The following PAPPA2 variants were observed in gnomAD, a reference collection of about 807,000 sequenced individuals.
PAPPA2 encodes pappalysin-2.
In PAPPA2, 86 loss-of-function variants were observed where a neutral mutation model predicts 176.4. The observed-to-expected ratio is 0.49, with a 90% CI of 0.41 to 0.58. The LOEUF (loss-of-function observed/expected upper bound fraction) is 0.58, where lower values mean the gene tolerates loss of function less well. Ranked by LOEUF, PAPPA2 falls within the 20% of genes least tolerant of loss-of-function variation. PAPPA2 has a pLI of 0.00. For synonymous variants in PAPPA2, 809 were observed against 852.2 expected (o/e 0.95, Z 0.88); for missense variants, 2,073 against 2,256.9 (o/e 0.92, Z 1.65).
intron 3 of PAPPA2, among the ~76,000 whole-genome samples, chr1:176,659,856 A>G (rs551692401): frequency 9.9e-5 from 15 of 152,246 alleles, no homozygotes; most frequent in African/African-American, 3.6e-4. Flanking sequence ...CTTAACAACT[A>G]TAATTTGATA....
Position 176,692,110 on chromosome 1 carries a change from T to G in PAPPA2, c.2432-16T>G. ...TAAAATCTCCATCTCTTGTGCCACC[T>G]TTTTTGTCTCCACAGATGATAACTG... On this transcript the variant is annotated splice_polypyrimidine_tract_variant and intron_variant, in intron 5 of 22. Transcript: ENST00000367662. 6.3e-7 allele frequency: 1 copy of G among 1,593,502 alleles called. No individual in the cohort carries two copies. Among genetic ancestry groups the G allele is most frequent in the Non-Finnish European group, 8.6e-7 (1 of 1,165,256 alleles).
At chr1:176,525,467 G>C (rs1473320702) in intron 1 of PAPPA2, among the ~76,000 whole-genome samples, 1 of 152,078 alleles carries the variant, frequency 6.6e-6, no homozygotes, top group Admixed American at 6.5e-5. Context: ...AAGATGTTCA[G>C]GATTTCTTTC....
chr1:176,476,566 G>A (rs6425386), intron 1 of PAPPA2, among the ~76,000 whole-genome samples: 4 of 151,954 alleles, frequency 2.6e-5, no homozygotes, highest in Non-Finnish European at 5.9e-5. Flanking sequence ...TGTCTGGCAC[G>A]CCTGCCTAGA....
At chr1:176,580,324 T>C (rs1201604460) in intron 2 of PAPPA2, among the ~76,000 whole-genome samples, 3 of 152,232 alleles carry the variant, frequency 2.0e-5, no homozygotes, top group Admixed American at 6.5e-5. Flanking sequence ...TCTATGTTGC[T>C]GCAAATGACA....
At chr1:176,718,122 G>A (rs1409652024) in intron 12 of PAPPA2, among the ~76,000 whole-genome samples, 1 of 152,082 alleles carries the variant, frequency 6.6e-6, no homozygotes, top group African/African-American at 2.4e-5. Flanking sequence ...TAAAACAAAT[G>A]TAGAGAAATT....
chr1:176,734,234 G>A (rs949668116), intron 12 of PAPPA2, among the ~76,000 whole-genome samples: 1 of 152,100 alleles, frequency 6.6e-6, no homozygotes, highest in African/African-American at 2.4e-5. Flanking sequence ...TTGAGGACAT[G>A]CTCTCAGAAA....
At chr1:176,708,295 A>G (rs1324230639) in intron 10 of PAPPA2, among the ~76,000 whole-genome samples, 2 of 152,110 alleles carry the variant, frequency 1.3e-5, no homozygotes, top group African/African-American at 2.4e-5. Flanking sequence ...CCAACAGTAG[A>G]CATTTTTTCA....
intron 2 of PAPPA2, among the ~76,000 whole-genome samples, chr1:176,559,758 C>T (rs937157790): frequency 6.6e-6 from 1 of 152,176 alleles, no homozygotes; most frequent in Non-Finnish European, 1.5e-5. Context: ...TTCTGCTGTT[C>T]CACTTGGAAT....
chr1:176,470,918 T>C (rs560793226), intron 1 of PAPPA2, among the ~76,000 whole-genome samples: 12 of 152,168 alleles, frequency 7.9e-5, no homozygotes, highest in African/African-American at 2.6e-4. Context: ...GCTGGCCCCA[T>C]GCTTTAGTTC....
rs921977155 is a variant in PAPPA2, at chr1:176,594,457, C to T, written c.920-67C>T. Reference sequence around the variant, plus strand: ...TCTTGTTATTTACATGGGCTTTCTTCTCCCTTTCTCCATTCCCCTTTGTAT... The same window carrying T: ...TCTTGTTATTTACATGGGCTTTCTTTTCCCTTTCTCCATTCCCCTTTGTAT... On this transcript the variant is annotated intron_variant, in intron 2 of 22. Coordinates refer to ENST00000367662, the MANE Select transcript of PAPPA2 (RefSeq NM_020318.3). 36 of 1,327,200 alleles carry T rather than the reference C, an allele frequency of 2.7e-5. No homozygotes were observed. In the African/African-American group the frequency reaches 4.6e-4, roughly 17 times the overall value. The allele number at this position is 1,327,200 out of a possible 1,614,324, so 82.2% of individuals were successfully genotyped here.
intron 17 of PAPPA2, among the ~76,000 whole-genome samples, chr1:176,789,353 G>A (rs989154878): frequency 6.6e-6 from 1 of 151,678 alleles, no homozygotes; most frequent in African/African-American, 2.4e-5. Context: ...ATTGAACAGT[G>A]AGAACACATG....
chr1:176,831,344 A>T (rs1292005610), intron 21 of PAPPA2, among the ~76,000 whole-genome samples: 1 of 152,214 alleles, frequency 6.6e-6, no homozygotes, highest in Non-Finnish European at 1.5e-5. Context: ...CTCAGGCTGC[A>T]GCTCTCAACA....
intron 14 of PAPPA2, among the ~76,000 whole-genome samples, chr1:176,750,332 G>A (rs556617140): frequency 2.6e-4 from 40 of 152,198 alleles, no homozygotes; most frequent in South Asian, 6.2e-4. Flanking sequence ...TTGTCCAGGC[G>A]CGGTGGCTCA....
At chr1:176,728,675 G>A (rs566902576) in intron 12 of PAPPA2, among the ~76,000 whole-genome samples, 1 of 151,956 alleles carries the variant, frequency 6.6e-6, no homozygotes, top group Admixed American at 6.5e-5. Flanking sequence ...TTTTTTGTGT[G>A]TGGAGATTCT....
chr1:176,650,012 A>G (rs1479805696), intron 3 of PAPPA2, among the ~76,000 whole-genome samples: 4 of 151,566 alleles, frequency 2.6e-5, no homozygotes, highest in Non-Finnish European at 4.4e-5. Flanking sequence ...GTCCCTTACT[A>G]TTATTGTATT....
chr1:176,490,340 T>G (rs980662516), intron 1 of PAPPA2, among the ~76,000 whole-genome samples: 5 of 152,154 alleles, frequency 3.3e-5, no homozygotes, highest in African/African-American at 1.2e-4. Flanking sequence ...TGATAGACCT[T>G]TAGTGTTGGA....
At chr1:176,499,793 T>C (rs373575607) in intron 1 of PAPPA2, among the ~76,000 whole-genome samples, 4 of 152,204 alleles carry the variant, frequency 2.6e-5, no homozygotes, top group African/African-American at 7.2e-5. Context: ...GGCTAACCCA[T>C]GGTTTAATTT....
At chr1:176,519,543 T>C (rs1416991992) in intron 1 of PAPPA2, among the ~76,000 whole-genome samples, 1 of 152,166 alleles carries the variant, frequency 6.6e-6, no homozygotes, top group African/African-American at 2.4e-5. Context: ...TCCAGGGTCA[T>C]CTAAACTAGA....
intron 3 of PAPPA2, among the ~76,000 whole-genome samples, chr1:176,667,773 C>T (rs1176553568): frequency 6.6e-6 from 1 of 152,190 alleles, no homozygotes; most frequent in Non-Finnish European, 1.5e-5. Flanking sequence ...AGACAGCAGA[C>T]AGCTCAAGAT....
Sources: allele counts gnomAD v4.1 joint callset (sites outside exome capture counted in the v4.1 genomes callset), GRCh38; gene constraint gnomAD v4.1.1; transcripts MANE v1.5; gene names NCBI Gene and HGNC (gene_info 2026-07-23, HGNC 2026-07-21).